OCA2: variants seen among roughly 807,000 people sequenced by gnomAD.
OCA2 encodes OCA2 melanosomal transmembrane protein.
In OCA2, 77 loss-of-function variants were observed where a neutral mutation model predicts 100.2. That is an observed-to-expected ratio of 0.77 (90% CI 0.64 to 0.93). The LOEUF (loss-of-function observed/expected upper bound fraction) is 0.93. OCA2 is among the 40% of genes least tolerant of loss of function. OCA2 has a pLI of 0.00. For missense variants in OCA2, 1,062 were observed against 1,089.1 expected (o/e 0.98, Z 0.35); for synonymous variants, 432 against 439.2 (o/e 0.98, Z 0.21).
chr15:28,059,090 C>A (rs1469354748), intron 2 of OCA2, among the ~76,000 whole-genome samples: 1 of 152,228 alleles, frequency 6.6e-6, no homozygotes, highest in Non-Finnish European at 1.5e-5. Context: ...CACCTCACTG[C>A]TTAGAAGGCG....
At position 27,926,244 on chromosome 15, in the gene OCA2, A is replaced by G; in HGVS notation, c.1962T>C (p.Ala654=). 1 of 1,614,072 alleles carries G rather than the reference A, an allele frequency of 6.2e-7. No individual in the cohort carries two copies. The highest frequency in any genetic ancestry group is 8.5e-7 in the Non-Finnish European group (1 of 1,179,914). ...TTAGCAACCAGATGGCACCCAGAAT[A>G]GCAATCCATCCTGAAAATAAGTAAA... ...PGIHLDLGWI[A]ILGAIWLLIL... Residue 654 remains alanine, a synonymous_variant, in exon 19 of 24, where the codon GCT becomes GCC. Transcript: ENST00000354638.
intron 23 of OCA2, among the ~76,000 whole-genome samples, chr15:27,824,337 C>T (rs1478620962): frequency 6.6e-6 from 1 of 151,910 alleles, no homozygotes. Flanking sequence ...CATTGCACTC[C>T]TGCCTGGGCA....
chr15:28,044,332 C>G (rs905369082), intron 2 of OCA2, among the ~76,000 whole-genome samples: 1 of 152,196 alleles, frequency 6.6e-6, no homozygotes, highest in Non-Finnish European at 1.5e-5. Flanking sequence ...TAGGTAGACT[C>G]TGCCAGTGAC....
Position 27,824,602 on chromosome 15 carries a change from C to CTCTCTCTCTCTCTCTATA in OCA2, c.2432+20356_2432+20357insTATAGAGAGAGAGAGAGA. On this transcript the variant is annotated intron_variant, in intron 23 of 23. Coordinates refer to ENST00000354638, the MANE Select transcript of OCA2 (RefSeq NM_000275.3). ...TTTCTCTCTCTCTCTCTCTCTCTCT[C>CTCTCTCTCTCTCTCTATA]TATATATATATATATATATAATATA... Among the ~76,000 whole-genome samples the CTCTCTCTCTCTCTCTATA allele has an allele frequency of 8.0e-4, 38 of 47,598 alleles. 2 individuals are homozygous for CTCTCTCTCTCTCTCTATA. The highest frequency in any genetic ancestry group is 0.019 in the East Asian group (1 of 54). The allele number at this position is 47,598 out of a possible 152,430, so 31.2% of individuals were successfully genotyped here. A position where few individuals can be genotyped will look rare whatever the true frequency, so the allele number is the denominator to read the frequency against.
intron 23 of OCA2, among the ~76,000 whole-genome samples, chr15:27,836,852 C>G (rs146179087): frequency 6.6e-6 from 1 of 152,154 alleles, no homozygotes; most frequent in African/African-American, 2.4e-5. Flanking sequence ...ATTTTTTTCA[C>G]TTTTTCATTT....
chr15:27,779,237 G>A (rs920438883), intron 23 of OCA2, among the ~76,000 whole-genome samples: 3 of 152,180 alleles, frequency 2.0e-5, no homozygotes, highest in Admixed American at 6.5e-5. Context: ...GAAGAATGTT[G>A]CTCCTGGGTT....
intron 2 of OCA2, among the ~76,000 whole-genome samples, chr15:28,040,881 C>G (rs532082518): frequency 5.4e-4 from 82 of 152,154 alleles, no homozygotes; most frequent in African/African-American, 1.9e-3. Flanking sequence ...GATGAGATAG[C>G]CTTACTGGTG....
chr15:28,023,862 A>C (rs3794606), intron 5 of OCA2, among the ~76,000 whole-genome samples: 67,558 of 151,770 alleles, frequency 0.45, 21,262 homozygotes, highest in East Asian at 0.89. Context: ...ACAGTTCACA[A>C]TGGTGCACAC....
At chr15:27,796,757 C>T (rs1009075794) in intron 23 of OCA2, among the ~76,000 whole-genome samples, 4 of 152,196 alleles carry the variant, frequency 2.6e-5, no homozygotes, top group African/African-American at 7.2e-5. Flanking sequence ...ACACCATCAG[C>T]AGCAACTTGC....
intron 23 of OCA2, among the ~76,000 whole-genome samples, chr15:27,824,621 T>A (rs1277569422): frequency 6.4e-5 from 8 of 124,150 alleles, no homozygotes; most frequent in South Asian, 2.7e-4. Context: ...TATATATATA[T>A]AATATAATAT....
chr15:27,844,528 T>G (rs1595503378), intron 23 of OCA2, among the ~76,000 whole-genome samples: 1 of 152,192 alleles, frequency 6.6e-6, no homozygotes, highest in Non-Finnish European at 1.5e-5. Context: ...TTTTTTTTCT[T>G]GAGACAGAGT....
chr15:27,969,206 G>GA (rs1483010877), intron 14 of OCA2, among the ~76,000 whole-genome samples: 1 of 151,276 alleles, frequency 6.6e-6, no homozygotes, highest in East Asian at 1.9e-4. Context: ...GGCAATTGGA[G>GA]AAAAAAGTGA....
chr15:28,034,250 T>C (rs1182850308), intron 2 of OCA2, among the ~76,000 whole-genome samples: 1 of 151,832 alleles, frequency 6.6e-6, no homozygotes, highest in African/African-American at 2.4e-5. Flanking sequence ...TATGATGGAG[T>C]CACTGCACTC....
At chr15:27,776,974 T>TGGGGGGGGGAGGG (rs368182175) in intron 23 of OCA2, among the ~76,000 whole-genome samples, 1 of 43,164 alleles carries the variant, frequency 2.3e-5, no homozygotes, top group South Asian at 1.1e-3. Context: ...GAGCGTGAGG[T>TGGGGGGGGGAGGG]GGGGGGGGGT....
intron 8 of OCA2, among the ~76,000 whole-genome samples, chr15:28,015,361 AG>A (rs141394541): frequency 0.064 from 9,740 of 152,268 alleles, 405 homozygotes; most frequent in South Asian, 0.14. Flanking sequence ...CGAACACTGA[AG>A]CGTTTTTTCA....
the OCA2 span, among the ~76,000 whole-genome samples, chr15:27,720,806 A>G: frequency 6.6e-6 from 1 of 152,190 alleles, no homozygotes. Context: ...ATACAGCAAT[A>G]GTACCTCAAT....
chr15:27,882,487 A>G (rs2037060694), intron 19 of OCA2, among the ~76,000 whole-genome samples: 1 of 152,156 alleles, frequency 6.6e-6, no homozygotes, highest in African/African-American at 2.4e-5. Context: ...CATTGATCAT[A>G]GTTATAAAAG....
chr15:27,728,269 A>G, the OCA2 span, among the ~76,000 whole-genome samples: 3 of 152,186 alleles, frequency 2.0e-5, no homozygotes, highest in Non-Finnish European at 4.4e-5. Context: ...ATTTCCTTTC[A>G]GAAACAGAAG....
At position 27,990,574 on chromosome 15, in the gene OCA2, A is replaced by G. The variant is rs748537823; in HGVS notation, c.1116+2T>C. On this transcript the variant is annotated splice_donor_variant, in intron 10 of 23. Transcript: ENST00000354638. LOFTEE classifies it high-confidence loss of function. ...CCAGGGATTGGGACTGTGACAACTT[A>G]CATCGCCAATCACAGCCAGTGCTGC... 3 of 1,613,920 alleles carry G rather than the reference A, an allele frequency of 1.9e-6. No individual in the cohort carries two copies. The highest frequency in any genetic ancestry group is 2.5e-6 in the Non-Finnish European group (3 of 1,179,922).
Sources: gnomAD v4.1 joint callset for allele counts (sites outside exome capture counted in the v4.1 genomes callset) on GRCh38, gnomAD v4.1.1 for gene constraint, MANE v1.5 for transcripts, NCBI Gene and HGNC (gene_info 2026-07-23, HGNC 2026-07-21) for gene names.